PIP: variants seen among roughly 807,000 people sequenced by gnomAD.
PIP encodes prolactin induced protein.
PIP carries 9 observed loss-of-function variants against 12.8 expected under a neutral mutation model. That is an observed-to-expected ratio of 0.70 (90% CI 0.42 to 1.23). The LOEUF (loss-of-function observed/expected upper bound fraction) is 1.23, where lower values mean the gene tolerates loss of function less well. Among genes scored for constraint, PIP ranks in the 50% most tolerant of loss-of-function variants. The probability of loss-of-function intolerance (pLI) is 0.00; values close to 1 mark genes in which losing one functional copy is unlikely to be tolerated. For synonymous variants in PIP, 60 were observed against 66.1 expected (o/e 0.91, Z 0.45); for missense variants, 172 against 179.5 (o/e 0.96, Z 0.24).
chr7:143,139,140 C>G lies in PIP; in HGVS notation c.267C>G (p.Cys89Trp). Residue 89 changes from cysteine to tryptophan, a missense_variant, in exon 3 of 4, where the codon TGC (cysteine) becomes TGG (tryptophan). Coordinates refer to ENST00000291009, the MANE Select transcript of PIP (RefSeq NM_002652.3). ...QGAFNYKYTA[C>W]LCDDNPKTFY... ...CATTTAACTATAAGTATACTGCCTG[C>G]CTATGTGACGACAATCCAAAAACCT... 1 of 1,605,942 alleles carries G rather than the reference C, an allele frequency of 6.2e-7. No individual in the cohort carries two copies. The highest frequency in any genetic ancestry group is 8.5e-7 in the Non-Finnish European group (1 of 1,172,410).
intron 1 of PIP, among the ~76,000 whole-genome samples, chr7:143,133,540 C>T (rs1799266106): frequency 6.6e-6 from 1 of 152,020 alleles, no homozygotes; most frequent in Non-Finnish European, 1.5e-5. Flanking sequence ...GAGAAAATAA[C>T]TCTCCTGGCC....
rs1442270406 is a variant in PIP at position 143,139,317 on chromosome 7, G to T, written c.316+128G>T. 6.0e-6 allele frequency: 5 copies of T among 827,424 alleles called. No homozygotes were observed. The African/African-American group carries it at 8.4e-5, about 14-fold the overall frequency. 51.3% of individuals were successfully genotyped at this position (827,424 alleles called of 1,614,324 possible). A position where few individuals can be genotyped will look rare whatever the true frequency, so the allele number is the denominator to read the frequency against. On this transcript the variant is annotated intron_variant, in intron 3 of 3. Transcript: ENST00000291009. The stretch of plus-strand genomic sequence containing the variant: ...AGGGCAGAAGGACAGAAGGGAGGGA[G>T]GGAAGAGCATGGGGAGAGCAGATGG...
At chr7:143,135,972 G>A (rs753349679) in intron 2 of PIP, among the ~76,000 whole-genome samples, 2 of 152,048 alleles carry the variant, frequency 1.3e-5, no homozygotes, top group Non-Finnish European at 2.9e-5. Flanking sequence ...CAGCAGGTCT[G>A]GGGAGAGATT....
Position 143,132,191 on chromosome 7 carries a change from C to T in PIP, c.75C>T (p.Ala25=). 4 of 1,613,562 alleles carry T rather than the reference C, an allele frequency of 2.5e-6. No individual in the cohort carries two copies. Among genetic ancestry groups the T allele is most frequent in the Non-Finnish European group, 3.4e-6 (4 of 1,179,560 alleles). Residue 25 remains alanine, a synonymous_variant, in exon 1 of 4, where the codon GCC becomes GCT. Coordinates refer to ENST00000291009, the MANE Select transcript of PIP (RefSeq NM_002652.3). ...LLLVLCLQLG[A]NKAQDNTRKI... is the part of the protein sequence containing the mutation. The stretch of plus-strand genomic sequence containing the variant: ...TGGTTCTCTGCCTGCAGTTGGGGGC[C>T]AACAAAGCTCAGGACAACACGTGAG...
chr7:143,134,183 C>CATATATATATAT (rs60656573), intron 1 of PIP, among the ~76,000 whole-genome samples: 2 of 41,662 alleles, frequency 4.8e-5, no homozygotes, highest in Admixed American at 3.4e-4. Flanking sequence ...AGTATTCCAT[C>CATATATATATAT]ATATATATAT....
Position 143,134,133 on chromosome 7 carries a change from G to T in PIP, c.96-1061G>T, listed in dbSNP as rs113032113. The stretch of plus-strand genomic sequence containing the variant: ...AGTCTCCAATCTCATACAGGTCACT[G>T]CAAATGCTGTTAATTCATTCCTTAT... On this transcript the variant is annotated intron_variant, in intron 1 of 3. Coordinates refer to ENST00000291009, the MANE Select transcript of PIP (RefSeq NM_002652.3). Among the ~76,000 whole-genome samples the T allele has an allele frequency of 3.0e-3, 410 of 138,822 alleles. 1 individual carries two copies. Among genetic ancestry groups the T allele is most frequent in the African/African-American group, 0.011 (397 of 37,782 alleles). The allele number at this position is 138,822 out of a possible 152,430, so 91.1% of individuals were successfully genotyped here.
Position 143,135,300 on chromosome 7 carries a change from G to C in PIP, c.201+1G>C, listed in dbSNP as rs1056842849. On this transcript the variant is annotated splice_donor_variant, in intron 2 of 3. Coordinates refer to ENST00000291009, the MANE Select transcript of PIP (RefSeq NM_002652.3). LOFTEE classifies it high-confidence loss of function. Reference sequence around the variant, plus strand: ...AACAGAATTGAAAGAATGCATGGTGGTAAGTAGAGGACTGGGGGCGTGACT... The same window carrying C: ...AACAGAATTGAAAGAATGCATGGTGCTAAGTAGAGGACTGGGGGCGTGACT... 1 of 1,465,170 alleles carries C rather than the reference G, an allele frequency of 6.8e-7. No homozygotes were observed. Among genetic ancestry groups the C allele is most frequent in the Non-Finnish European group, 9.6e-7 (1 of 1,044,706 alleles). The allele number at this position is 1,465,170 out of a possible 1,614,324, so 90.8% of individuals were successfully genotyped here.
At chr7:143,132,309 C>A (rs1196088832) in intron 1 of PIP, 98 bp downstream of exon 1, 3 of 1,381,076 alleles carry the variant, frequency 2.2e-6, no homozygotes, top group South Asian at 1.3e-5. Context: ...TTTCTTTCAA[C>A]TTCCCAGAAC....
intron 2 of PIP, 90 bp downstream of exon 2, chr7:143,135,389 G>A: frequency 1.6e-6 from 1 of 615,422 alleles, no homozygotes; most frequent in Non-Finnish European, 3.0e-6. Context: ...ATAATGTACA[G>A]TGTACTTAAT....
intron 2 of PIP, among the ~76,000 whole-genome samples, chr7:143,137,338 T>G (rs1799319228): frequency 6.6e-6 from 1 of 152,126 alleles, no homozygotes; most frequent in Admixed American, 6.6e-5. Context: ...AAAAATAAAT[T>G]TGTGATGCAG....
At position 143,138,900 on chromosome 7, in the gene PIP, CCTT is replaced by C. The variant is rs909686295; in HGVS notation, c.202-172_202-170del. Among the ~76,000 whole-genome samples, 121 of 152,212 alleles carry C rather than the reference CCTT, an allele frequency of 7.9e-4. 1 individual carries two copies. The highest frequency in any genetic ancestry group is 2.8e-3 in the African/African-American group (115 of 41,554). On this transcript the variant is annotated intron_variant, in intron 2 of 3. Transcript: ENST00000291009. ...AGTTTGAGGGCATTGGAAGGGAAAA[CCTT>C]CTGACCTAGACTTTGGCTCCTGAAA...
intron 2 of PIP, among the ~76,000 whole-genome samples, chr7:143,135,752 C>T (rs1799303626): frequency 6.6e-6 from 1 of 151,952 alleles, no homozygotes. Context: ...CTGAGCGACT[C>T]TACTGTCCTC....
At chr7:143,133,110 C>CT (rs1405943933) in intron 1 of PIP, among the ~76,000 whole-genome samples, 3 of 151,960 alleles carry the variant, frequency 2.0e-5, no homozygotes, top group Admixed American at 2.0e-4. Context: ...CCACTTAGCC[C>CT]TGAAGGGCAG....
intron 1 of PIP, among the ~76,000 whole-genome samples, chr7:143,134,204 AT>A (rs1201262344): frequency 9.1e-6 from 1 of 110,386 alleles, no homozygotes; most frequent in African/African-American, 3.6e-5. Context: ...ATATATATAT[AT>A]ATATATATAT....
intron 2 of PIP, 40 bp downstream of exon 2, chr7:143,135,339 C>A: frequency 2.3e-6 from 2 of 865,644 alleles, no homozygotes; most frequent in South Asian, 2.8e-5. Flanking sequence ...AAAGATAATT[C>A]AACTCCTTGA....
At chr7:143,138,757 G>A (rs1799335158) in intron 2 of PIP, among the ~76,000 whole-genome samples, 1 of 152,146 alleles carries the variant, frequency 6.6e-6, no homozygotes, top group African/African-American at 2.4e-5. Context: ...ACCTCTGGCT[G>A]GTGACTAAGG....
intron 2 of PIP, among the ~76,000 whole-genome samples, chr7:143,138,836 C>T (rs1799335776): frequency 6.6e-6 from 1 of 152,124 alleles, no homozygotes; most frequent in African/African-American, 2.4e-5. Context: ...CACTTGCATC[C>T]CTATCTCCTC....
intron 1 of PIP, among the ~76,000 whole-genome samples, chr7:143,133,913 C>T (rs1799270470): frequency 6.6e-6 from 1 of 151,286 alleles, no homozygotes; most frequent in African/African-American, 2.4e-5. Context: ...TTGGTGCACC[C>T]ATCACCCGAG....
chr7:143,135,570 G>A (rs1400374797), intron 2 of PIP, among the ~76,000 whole-genome samples: 1 of 152,064 alleles, frequency 6.6e-6, no homozygotes, highest in African/African-American at 2.4e-5. Context: ...AAAGAAAAAA[G>A]TGTAAGAGCT....
Sources: gnomAD v4.1 joint callset for allele counts (sites outside exome capture counted in the v4.1 genomes callset) on GRCh38, gnomAD v4.1.1 for gene constraint, MANE v1.5 for transcripts, NCBI Gene and HGNC (gene_info 2026-07-23, HGNC 2026-07-21) for gene names.